TAF1D: variants seen among roughly 807,000 people sequenced by gnomAD.
The protein encoded by TAF1D is TATA box-binding protein-associated factor RNA polymerase I subunit D.
Under a neutral mutation model 26.2 loss-of-function variants are expected in TAF1D, and 23 were observed. The observed-to-expected ratio is 0.88, with a 90% confidence interval of 0.63 to 1.25. TAF1D has a LOEUF of 1.25. Among genes scored for constraint, TAF1D ranks in the 50% most tolerant of loss-of-function variants. The pLI, the probability that TAF1D is intolerant of heterozygous loss-of-function variation, is 0.00. For missense variants in TAF1D, 299 were observed against 322.0 expected (o/e 0.93, Z 0.55); for synonymous variants, 100 against 105.6 (o/e 0.95, Z 0.33).
downstream of TAF1D, chr11:93,731,017 A>G: frequency 1.9e-6 from 1 of 519,054 alleles, no homozygotes; most frequent in Admixed American, 1.9e-5. Flanking sequence ...AAAGTAGCAG[A>G]TAGAAAACCT....
Position 93,739,334 on chromosome 11 carries a change from G to A in TAF1D, c.-27-3C>T. The A allele has an allele frequency of 6.3e-7, 1 of 1,584,888 alleles. No homozygotes were observed. Among genetic ancestry groups the A allele is most frequent in the Non-Finnish European group, 8.6e-7 (1 of 1,161,614 alleles). ...TGCTCTTTGTTTTAAACAGTTTTCTGAAATTATGAAATTTAGTAAATATGA... is the reference window on the plus strand; with the variant it reads ...TGCTCTTTGTTTTAAACAGTTTTCTAAAATTATGAAATTTAGTAAATATGA... On this transcript the variant is annotated splice_polypyrimidine_tract_variant and splice_region_variant and intron_variant, in intron 1 of 5. Transcript: ENST00000448108.
chr11:93,736,525 CT>C, intron 5 of TAF1D, 168 bp downstream of exon 5: 1 of 1,423,898 alleles, frequency 7.0e-7, no homozygotes, highest in South Asian at 1.6e-5. Context: ...ACCCCATGTT[CT>C]TTATCAAGTC....
At chr11:93,738,942 T>C (rs1941282271) in intron 2 of TAF1D, 2 of 439,116 alleles carry the variant, frequency 4.6e-6, no homozygotes, top group African/African-American at 4.0e-5. Context: ...GCTAAGAGTG[T>C]CTGAGTAAAA....
chr11:93,731,289 G>A (rs539392235), downstream of TAF1D: 128 of 342,920 alleles, frequency 3.7e-4, no homozygotes, highest in African/African-American at 2.7e-3. Flanking sequence ...GAATGAGGTT[G>A]CTTAGGTTCC....
chr11:93,736,862 A>C lies in TAF1D; in HGVS notation c.636-111T>G, dbSNP rs574210613. 1.8e-5 allele frequency: 23 copies of C among 1,303,412 alleles called. No homozygotes were observed. In the South Asian group the frequency reaches 3.4e-4, roughly 19 times the overall value. The allele number at this position is 1,303,412 out of a possible 1,614,324, so 80.7% of individuals were successfully genotyped here. A position where few individuals can be genotyped will look rare whatever the true frequency, so the allele number is the denominator to read the frequency against. On this transcript the variant is annotated intron_variant, in intron 4 of 5. Transcript: ENST00000448108. ...CTGCAATACTAGTCAAAGGAAACAC[A>C]AAATTTGAGAATTTTGTGTTCTGGA... is the stretch of plus-strand genomic sequence containing the variant.
chr11:93,739,341 T>C lies in TAF1D; in HGVS notation c.-27-10A>G, dbSNP rs759837061. ...TGTTTTAAACAGTTTTCTGAAATTA[T>C]GAAATTTAGTAAATATGACAAAGCT... On this transcript the variant is annotated splice_polypyrimidine_tract_variant and intron_variant, in intron 1 of 5. Transcript: ENST00000448108. 12 of 1,574,594 alleles carry C rather than the reference T, an allele frequency of 7.6e-6. No individual in the cohort carries two copies. In the South Asian group the frequency reaches 9.1e-5, roughly 12 times the overall value.
chr11:93,737,180 C>G lies in TAF1D; in HGVS notation c.519G>C (p.Leu173=). The G allele has an allele frequency of 6.2e-7, 1 of 1,612,016 alleles. No individual in the cohort carries two copies. ...YIEKLKYEHH[L]KESLKQMNVG... ...CATTCATTTGCTTCAATGATTCTTT[C>G]AGGTGGTGTTCATACTTCAGTTTTT... The change falls in exon 4 of 6, where the codon CTG becomes CTC. Residue 173 remains leucine, a synonymous_variant. Coordinates refer to ENST00000448108, the MANE Select transcript of TAF1D (RefSeq NM_024116.4).
downstream of TAF1D, chr11:93,731,968 C>T (rs759694039): frequency 2.0e-6 from 1 of 498,042 alleles, no homozygotes; most frequent in East Asian, 5.5e-5. Flanking sequence ...GAAAAGTCAA[C>T]ATTTTTCTCC....
downstream of TAF1D, chr11:93,735,189 C>G: frequency 1.5e-6 from 2 of 1,351,922 alleles, no homozygotes; most frequent in Non-Finnish European, 2.0e-6. Context: ...TTTTTTGCAC[C>G]TATCTGTAAG....
downstream of TAF1D, chr11:93,732,571 C>T (rs902985808): frequency 7.0e-6 from 3 of 431,246 alleles, no homozygotes; most frequent in Non-Finnish European, 1.4e-5. Flanking sequence ...ACAAACCTCT[C>T]AAATTCCTTT....
chr11:93,730,865 AG>A (rs2135403575), downstream of TAF1D: 1 of 428,574 alleles, frequency 2.3e-6, no homozygotes, highest in African/African-American at 2.0e-5. Context: ...ATAAAGGCAA[AG>A]CAAATTTGCA....
chr11:93,734,817 T>C, downstream of TAF1D: 1 of 1,173,814 alleles, frequency 8.5e-7, no homozygotes, highest in Non-Finnish European at 1.1e-6. Flanking sequence ...TCTTTGTTAC[T>C]CAGGCTGGAG....
chr11:93,731,796 G>T, downstream of TAF1D: 4 of 346,986 alleles, frequency 1.2e-5, no homozygotes, highest in South Asian at 4.5e-5. Flanking sequence ...TTTACTTTAG[G>T]GTCCTAGAAG....
intron 5 of TAF1D, 185 bp from the exon 6 acceptor site, chr11:93,736,489 G>A (rs939912799): frequency 7.9e-5 from 113 of 1,423,318 alleles, no homozygotes; most frequent in Admixed American, 2.6e-4. Context: ...GTATCAGAAT[G>A]CTACTTATTA....
At chr11:93,738,879 G>GAGCA (rs1941268473) in intron 2 of TAF1D, 1 of 305,920 alleles carries the variant, frequency 3.3e-6, no homozygotes, top group Non-Finnish European at 6.0e-6. Flanking sequence ...CAAAAAAACT[G>GAGCA]TATCTTTCAA....
chr11:93,730,552 G>C, exon 12 of TAF1D: 1 of 631,548 alleles, frequency 1.6e-6, no homozygotes, highest in East Asian at 3.2e-5. Context: ...CAAACATTAG[G>C]AGTGCTATGG....
At position 93,741,418 on chromosome 11, in the gene TAF1D, G is replaced by A. The variant is rs1942040007; in HGVS notation, c.-124C>T. Reference sequence around the variant, plus strand: ...GACTGGCCTGGTGTCCTAGAGCTCTGTACACACCACCCTCCCGACCTCAGC... The same window carrying A: ...GACTGGCCTGGTGTCCTAGAGCTCTATACACACCACCCTCCCGACCTCAGC... On this transcript the variant is annotated 5_prime_UTR_variant, in exon 1 of 6. Coordinates refer to ENST00000448108, the MANE Select transcript of TAF1D (RefSeq NM_024116.4). 2.2e-6 allele frequency: 1 copy of A among 453,824 alleles called. No individual in the cohort carries two copies. Among genetic ancestry groups the A allele is most frequent in the Non-Finnish European group, 4.4e-6 (1 of 226,294 alleles). 28.1% of individuals were successfully genotyped at this position (453,824 alleles called of 1,614,324 possible).
In TAF1D at chr11:93,736,232, C is replaced by T. The variant is rs1260393279; in HGVS notation, c.766G>A (p.Glu256Lys). Residue 256 changes from glutamate to lysine, a missense_variant, in exon 6 of 6, where the codon GAA becomes AAA. By Grantham distance (56) the Glu-to-Lys change is moderately conservative (BLOSUM62 1). Coordinates refer to ENST00000448108, the MANE Select transcript of TAF1D (RefSeq NM_024116.4). Reference sequence around the variant, plus strand: ...CTCTTTTTAGACAAAGCAGCTTCTTCAGTAATATCCTCTTCTTCTAAGTAT... The same window carrying T: ...CTCTTTTTAGACAAAGCAGCTTCTTTAGTAATATCCTCTTCTTCTAAGTAT... ...SVYLEEEDIT[E>K]EAALSKKRAT... 3 of 1,613,272 alleles carry T rather than the reference C, an allele frequency of 1.9e-6. No homozygotes were observed. Among genetic ancestry groups the T allele is most frequent in the Non-Finnish European group, 2.5e-6 (3 of 1,179,752 alleles).
At position 93,736,674 on chromosome 11, in the gene TAF1D, G is replaced by GA; in HGVS notation, c.693+19dup. Reference sequence around the variant, plus strand: ...CTCCTGCCTTCCCAAAATGGAATAGGAAAAAAATAAGTCACTTACTGCCAA... The same window carrying GA: ...CTCCTGCCTTCCCAAAATGGAATAGGAAAAAAAATAAGTCACTTACTGCCAA... On this transcript the variant is annotated intron_variant, in intron 5 of 5. Transcript: ENST00000448108. 6.2e-7 allele frequency: 1 copy of GA among 1,607,818 alleles called. No homozygotes were observed. Among genetic ancestry groups the GA allele is most frequent in the African/African-American group, 1.3e-5 (1 of 74,554 alleles).
Sources: gnomAD v4.1 joint callset for allele counts on GRCh38, gnomAD v4.1.1 for gene constraint, MANE v1.5 for transcripts, NCBI Gene and HGNC (gene_info 2026-07-23, HGNC 2026-07-21) for gene names.